Variants in ZBTB7C observed in about 807,000 individuals in gnomAD.
ZBTB7C encodes the protein zinc finger and BTB domain-containing protein 7C.
In ZBTB7C, 8 loss-of-function variants were observed where a neutral mutation model predicts 25.7. That is an observed-to-expected ratio of 0.31 (90% CI 0.18 to 0.56). The LOEUF (loss-of-function observed/expected upper bound fraction) is 0.56, where lower values mean the gene tolerates loss of function less well. Ranked by LOEUF, ZBTB7C falls within the 20% of genes least tolerant of loss-of-function variation. The pLI is 0.91. For missense variants in ZBTB7C, 824 were observed against 855.2 expected (o/e 0.96, Z 0.46); for synonymous variants, 394 against 369.0 (o/e 1.07, Z -0.78).
At chr18:48,315,671 C>T (rs1598852468) in intron 2 of ZBTB7C, among the ~76,000 whole-genome samples, 1 of 152,254 alleles carries the variant, frequency 6.6e-6, no homozygotes, top group East Asian at 1.9e-4. Context: ...AAGGGTGGCT[C>T]CTCATGGGCG....
At position 48,357,472 on chromosome 18, in the gene ZBTB7C, C is replaced by T. The variant is rs781759810; in HGVS notation, c.-303-19074G>A. ...ATGAAACAGAGACAAAGAAGAGCTC[C>T]GAGGAGTAAACAAGCCTGCTCAGCG... On this transcript the variant is annotated intron_variant, in intron 1 of 4. Coordinates refer to ENST00000590800, the MANE Select transcript of ZBTB7C (RefSeq NM_001318841.2). 4.6e-5 allele frequency among the ~76,000 whole-genome samples: 7 copies of T among 152,194 alleles called. No individual in the cohort carries two copies. The East Asian group carries it at 5.8e-4, about 13-fold the overall frequency.
intron 3 of ZBTB7C, among the ~76,000 whole-genome samples, chr18:48,074,188 A>G (rs1248079501): frequency 6.6e-6 from 1 of 151,742 alleles, no homozygotes; most frequent in Admixed American, 6.6e-5. Flanking sequence ...TAATTTTTCC[A>G]TTTTTAGTAG....
At chr18:48,122,838 C>T (rs879316278) in intron 3 of ZBTB7C, among the ~76,000 whole-genome samples, 3 of 152,280 alleles carry the variant, frequency 2.0e-5, no homozygotes, top group East Asian at 3.9e-4. Flanking sequence ...GCTCAGCAAA[C>T]GAATGAATGA....
chr18:48,147,207 G>A (rs1250168069), intron 3 of ZBTB7C, among the ~76,000 whole-genome samples: 1 of 151,936 alleles, frequency 6.6e-6, no homozygotes, highest in Non-Finnish European at 1.5e-5. Flanking sequence ...CATCCCAAGT[G>A]GATAGGATTA....
chr18:48,364,674 C>A (rs1444523441), intron 1 of ZBTB7C, among the ~76,000 whole-genome samples: 2 of 152,112 alleles, frequency 1.3e-5, no homozygotes, highest in Admixed American at 1.3e-4. Flanking sequence ...TCAGAAGACA[C>A]AAAAGGATAC....
chr18:48,177,571 G>A (rs549422299), intron 3 of ZBTB7C, among the ~76,000 whole-genome samples: 1 of 152,102 alleles, frequency 6.6e-6, no homozygotes, highest in Non-Finnish European at 1.5e-5. Context: ...GTGTGTGTGT[G>A]TATACGCATG....
rs146470348 is a variant in ZBTB7C at position 48,184,320 on chromosome 18, C to T, written c.-17+1614G>A. 3.9e-3 allele frequency among the ~76,000 whole-genome samples: 599 copies of T among 152,268 alleles called. 2 individuals are homozygous for T. Among genetic ancestry groups the T allele is most frequent in the African/African-American group, 0.012 (493 of 41,546 alleles). ...GGAGGCAAGGGCTGAGCCAAAAGGA[C>T]CTGTTGCATAATCTGAGCAATGTCC... is the stretch of plus-strand genomic sequence containing the variant. On this transcript the variant is annotated intron_variant, in intron 3 of 4. Coordinates refer to ENST00000590800, the MANE Select transcript of ZBTB7C (RefSeq NM_001318841.2).
chr18:48,406,843 G>T (rs559577324), intron 1 of ZBTB7C, among the ~76,000 whole-genome samples: 1 of 152,302 alleles, frequency 6.6e-6, no homozygotes, highest in East Asian at 1.9e-4. Flanking sequence ...TGACATTATA[G>T]ACTGAAATCT....
chr18:48,082,581 A>C (rs559564492), intron 3 of ZBTB7C, among the ~76,000 whole-genome samples: 1 of 152,080 alleles, frequency 6.6e-6, no homozygotes, highest in African/African-American at 2.4e-5. Context: ...AAGTTAGGGG[A>C]ATTGTAATAT....
chr18:48,260,957 G>A (rs1258037880), intron 2 of ZBTB7C, among the ~76,000 whole-genome samples: 1 of 152,064 alleles, frequency 6.6e-6, no homozygotes, highest in Non-Finnish European at 1.5e-5. Context: ...GGCTTTAACG[G>A]GCAAATTTGT....
At chr18:48,072,842 C>T (rs1366943051) in intron 3 of ZBTB7C, among the ~76,000 whole-genome samples, 1 of 152,196 alleles carries the variant, frequency 6.6e-6, no homozygotes, top group Non-Finnish European at 1.5e-5. Context: ...CATCCTTGGG[C>T]TGGGACCCCA....
At chr18:48,296,262 GA>G (rs2045387670) in intron 2 of ZBTB7C, among the ~76,000 whole-genome samples, 1 of 152,140 alleles carries the variant, frequency 6.6e-6, no homozygotes, top group Non-Finnish European at 1.5e-5. Flanking sequence ...GCATCCCATG[GA>G]ACCCTGTGCC....
chr18:48,349,206 G>C (rs1305965434), intron 1 of ZBTB7C, among the ~76,000 whole-genome samples: 2 of 152,204 alleles, frequency 1.3e-5, no homozygotes, highest in African/African-American at 2.4e-5. Context: ...ATCAGGGGAG[G>C]GAGGACTAAA....
intron 1 of ZBTB7C, among the ~76,000 whole-genome samples, chr18:48,400,132 G>A (rs778897195): frequency 1.6e-4 from 25 of 152,044 alleles, no homozygotes; most frequent in Non-Finnish European, 2.8e-4. Context: ...TCTCCAAAAC[G>A]CACTGTTTTA....
chr18:48,368,986 C>G (rs2047321099), intron 1 of ZBTB7C, among the ~76,000 whole-genome samples: 1 of 152,114 alleles, frequency 6.6e-6, no homozygotes, highest in Non-Finnish European at 1.5e-5. Context: ...TACCTTAGGA[C>G]AAGAGGAGGG....
chr18:48,056,252 C>G (rs553094000), intron 3 of ZBTB7C, among the ~76,000 whole-genome samples: 3 of 152,168 alleles, frequency 2.0e-5, no homozygotes, highest in African/African-American at 7.2e-5. Context: ...TGGAAAGATA[C>G]AACTCGTATT....
chr18:48,077,981 G>T (rs1270045818), intron 3 of ZBTB7C, among the ~76,000 whole-genome samples: 1 of 151,860 alleles, frequency 6.6e-6, no homozygotes, highest in Non-Finnish European at 1.5e-5. Context: ...TCTTGGGGTG[G>T]GGGGGAGGGC....
At chr18:48,084,980 G>A (rs545734376) in intron 3 of ZBTB7C, among the ~76,000 whole-genome samples, 2 of 152,154 alleles carry the variant, frequency 1.3e-5, no homozygotes, top group African/African-American at 4.8e-5. Context: ...CATTCCTTTG[G>A]GGCAAGCCAA....
At chr18:48,300,562 A>G (rs905132267) in intron 2 of ZBTB7C, among the ~76,000 whole-genome samples, 4 of 152,106 alleles carry the variant, frequency 2.6e-5, no homozygotes, top group Admixed American at 2.0e-4. Flanking sequence ...TACAGATACC[A>G]AGCAGGGAGG....
Sources: gnomAD v4.1 joint callset for allele counts (sites outside exome capture counted in the v4.1 genomes callset) on GRCh38, gnomAD v4.1.1 for gene constraint, MANE v1.5 for transcripts, NCBI Gene and HGNC (gene_info 2026-07-23, HGNC 2026-07-21) for gene names.